Variants in PCNT observed in about 807,000 individuals in gnomAD.
PCNT encodes kendrin.
In PCNT, 319 loss-of-function variants were observed where a neutral mutation model predicts 380.4. The observed-to-expected ratio is 0.84, with a 90% CI of 0.77 to 0.92. PCNT has a LOEUF of 0.92. Ranked by LOEUF, PCNT falls within the 40% of genes least tolerant of loss-of-function variation. The probability of loss-of-function intolerance (pLI) is 0.00; values close to 1 mark genes in which losing one functional copy is unlikely to be tolerated. For synonymous variants in PCNT, 1,845 were observed against 1,735.2 expected (o/e 1.06, Z -1.57); for missense variants, 4,400 against 4,255.3 (o/e 1.03, Z -0.95).
chr21:46,405,342 A>G (rs2086592163), intron 27 of PCNT, among the ~76,000 whole-genome samples: 1 of 152,258 alleles, frequency 6.6e-6, no homozygotes, highest in Non-Finnish European at 1.5e-5. Context: ...CTGTCTTAGT[A>G]TCTGATTGTA....
intron 15 of PCNT, among the ~76,000 whole-genome samples, chr21:46,373,308 C>G (rs891125077): frequency 5.3e-5 from 8 of 152,114 alleles, no homozygotes; most frequent in African/African-American, 1.9e-4. Context: ...TGAGCCGCGC[C>G]TGGCCTGGAC....
chr21:46,359,491 G>GTTTTTTTTGTTTTTT (rs2084618859), intron 13 of PCNT, among the ~76,000 whole-genome samples: 1 of 66,048 alleles, frequency 1.5e-5, no homozygotes, highest in Non-Finnish European at 3.2e-5. Context: ...TTTTTTTTTT[G>GTTTTTTTTGTTTTTT]TTTTTTTTTT....
rs549490485 is a variant in PCNT, at chr21:46,389,918, T to C, written c.3840+487T>C. ...CTTGTAGCTCTGGCGCTGGAGGAGATGTGGTCTGATGTGGCCCTCCCGGAG... is the reference window on the plus strand; with the variant it reads ...CTTGTAGCTCTGGCGCTGGAGGAGACGTGGTCTGATGTGGCCCTCCCGGAG... On this transcript the variant is annotated intron_variant, in intron 19 of 46. Coordinates refer to ENST00000359568, the MANE Select transcript of PCNT (RefSeq NM_006031.6). Among the ~76,000 whole-genome samples, 174 of 152,264 alleles carry C rather than the reference T, an allele frequency of 1.1e-3. 1 individual carries two copies. Among genetic ancestry groups the C allele is most frequent in the Non-Finnish European group, 2.3e-3 (156 of 68,030 alleles).
intron 41 of PCNT, 99 bp from the exon 42 acceptor site, chr21:46,439,984 C>G: frequency 6.7e-7 from 1 of 1,483,626 alleles, no homozygotes; most frequent in South Asian, 1.1e-5. Flanking sequence ...CTGGCCTCCC[C>G]GCACATGGCC....
At chr21:46,387,853 A>C (rs903841948) in intron 17 of PCNT, among the ~76,000 whole-genome samples, 10 of 152,044 alleles carry the variant, frequency 6.6e-5, no homozygotes, top group African/African-American at 2.4e-4. Context: ...ACAGCTCCTA[A>C]ATCATAGTGC....
chr21:46,324,234 A>T lies in PCNT; in HGVS notation c.6A>T (p.Glu2Asp). 6.2e-7 allele frequency: 1 copy of T among 1,611,786 alleles called. No individual in the cohort carries two copies. Among genetic ancestry groups the T allele is most frequent in the Non-Finnish European group, 8.5e-7 (1 of 1,178,950 alleles). M[E>D]VEQEQRRRKV... ...CCGCGCGGAGTCTGAGGGAGATGGA[A>T]GTTGAGCAAGAGCAGCGGCGCAGAA... The change falls in exon 1 of 47, where the codon GAA (glutamate) becomes GAT (aspartate). Residue 2 changes from glutamate (E) to aspartate (D), a missense_variant. Coordinates refer to ENST00000359568, the MANE Select transcript of PCNT (RefSeq NM_006031.6).
chr21:46,437,298 C>CG (rs1308703176), intron 40 of PCNT, among the ~76,000 whole-genome samples: 1 of 123,710 alleles, frequency 8.1e-6, no homozygotes, highest in Non-Finnish European at 1.5e-5. Context: ...GTGTGGTCTT[C>CG]GGGGGCTGAG....
In PCNT at chr21:46,437,035, C is replaced by T. The variant is rs112551907; in HGVS notation, c.9053C>T (p.Thr3018Met). 14 of 1,614,032 alleles carry T rather than the reference C, an allele frequency of 8.7e-6. No individual in the cohort carries two copies. Among genetic ancestry groups the T allele is most frequent in the South Asian group, 7.7e-5 (7 of 91,090 alleles). ...NEKAVMSLLH[T>M]LEELKSDLSR... is the part of the protein sequence containing the mutation. Reference sequence around the variant, plus strand: ...AAAGCAGTGATGTCTTTACTGCACACGTTGGAGGAGCTGAAGTCTGACTTG... The same window carrying T: ...AAAGCAGTGATGTCTTTACTGCACATGTTGGAGGAGCTGAAGTCTGACTTG... Residue 3018 changes from threonine to methionine, a missense_variant, in exon 40 of 47, where the codon ACG becomes ATG. By Grantham distance (81) the Thr-to-Met change is moderately conservative. Coordinates refer to ENST00000359568, the MANE Select transcript of PCNT (RefSeq NM_006031.6).
chr21:46,327,903 G>A (rs2083441392), intron 2 of PCNT, among the ~76,000 whole-genome samples: 1 of 152,342 alleles, frequency 6.6e-6, no homozygotes, highest in East Asian at 1.9e-4. Flanking sequence ...AGGTGTGGCA[G>A]GTGAGTGCAC....
At chr21:46,352,870 C>T (rs1232762275) in intron 9 of PCNT, among the ~76,000 whole-genome samples, 9 of 152,180 alleles carry the variant, frequency 5.9e-5, no homozygotes, top group African/African-American at 2.4e-5. Context: ...CCTGCCACTT[C>T]GAGTGCTGCT....
In PCNT at chr21:46,430,659, T is replaced by A; in HGVS notation, c.8064+2T>A. ...AGCCAGAGTGCCAAGGCCCTGGAGG[T>A]AACAGGGTGTCAGGGCAAGGCAGCC... On this transcript the variant is annotated splice_donor_variant, in intron 37 of 46. Transcript: ENST00000359568. LOFTEE classifies it high-confidence loss of function. The A allele has an allele frequency of 6.4e-7, 1 of 1,567,864 alleles. No homozygotes were observed. The highest frequency in any genetic ancestry group is 8.6e-7 in the Non-Finnish European group (1 of 1,157,230).
intron 6 of PCNT, chr21:46,348,101 G>A (rs1408444181): frequency 1.7e-5 from 3 of 181,074 alleles, no homozygotes; most frequent in Non-Finnish European, 2.3e-5. Context: ...GTTGTGTTCC[G>A]GTCACCTGCT....
Position 46,324,238 on chromosome 21 carries a change from G to A in PCNT, c.10G>A (p.Glu4Lys). 2.5e-6 allele frequency: 4 copies of A among 1,611,984 alleles called. No individual in the cohort carries two copies. In the South Asian group the frequency reaches 4.4e-5, roughly 18 times the overall value. The change falls in exon 1 of 47, where the codon GAG (glutamate) becomes AAG (lysine). Residue 4 changes from glutamate to lysine, a missense_variant. Glu to Lys is a moderately conservative substitution (Grantham distance 56, BLOSUM62 1). Coordinates refer to ENST00000359568, the MANE Select transcript of PCNT (RefSeq NM_006031.6). ...GCGGAGTCTGAGGGAGATGGAAGTT[G>A]AGCAAGAGCAGCGGCGCAGAAAGGT... MEV[E>K]QEQRRRKVEA...
chr21:46,413,241 AGGGGGAAGG>A (rs2086865651), intron 29 of PCNT, among the ~76,000 whole-genome samples: 2 of 120,044 alleles, frequency 1.7e-5, no homozygotes, highest in Admixed American at 8.3e-5. Flanking sequence ...AGGTGTGGGG[AGGGGGAAGG>A]CGTGAGGCCC....
In PCNT at chr21:46,431,836, T is replaced by C; in HGVS notation, c.8372T>C (p.Leu2791Pro). 6.2e-7 allele frequency: 1 copy of C among 1,613,952 alleles called. No homozygotes were observed. Among genetic ancestry groups the C allele is most frequent in the Non-Finnish European group, 8.5e-7 (1 of 1,180,032 alleles). The stretch of plus-strand genomic sequence containing the variant: ...GACACACAGGCCCATCACGCTCTGC[T>C]GCAGAAGCTGAAGGAGGAGAAGTCC... The part of the protein sequence containing the change: ...HQDTQAHHAL[L>P]QKLKEEKSRV... Residue 2791 changes from leucine to proline, a missense_variant, in exon 38 of 47, where the codon CTG (leucine) becomes CCG (proline). Leu to Pro is a moderately conservative substitution (Grantham distance 98). Coordinates refer to ENST00000359568, the MANE Select transcript of PCNT (RefSeq NM_006031.6).
intron 15 of PCNT, among the ~76,000 whole-genome samples, chr21:46,373,816 G>A (rs1431788746): frequency 7.6e-6 from 1 of 131,704 alleles, no homozygotes; most frequent in Non-Finnish European, 1.5e-5. Context: ...TGCAACCTCC[G>A]CCCCCCGGGT....
chr21:46,341,786 C>A, intron 3 of PCNT, among the ~76,000 whole-genome samples: 1 of 152,066 alleles, frequency 6.6e-6, no homozygotes, highest in East Asian at 1.9e-4. Flanking sequence ...CTCAAGCAGT[C>A]TTTCTACTCA....
At chr21:46,412,560 A>G (rs941459186) in intron 28 of PCNT, among the ~76,000 whole-genome samples, 4 of 152,124 alleles carry the variant, frequency 2.6e-5, no homozygotes, top group African/African-American at 9.7e-5. Context: ...CCACCCCCAC[A>G]CCAGCTGGGT....
chr21:46,353,019 C>A, intron 9 of PCNT, 85 bp from the exon 10 acceptor site: 2 of 1,121,290 alleles, frequency 1.8e-6, no homozygotes, highest in Admixed American at 1.8e-5. Flanking sequence ...CTGCCCCCAC[C>A]ACAGGTAACC....
Sources: gnomAD v4.1 joint callset for allele counts (sites outside exome capture counted in the v4.1 genomes callset) on GRCh38, gnomAD v4.1.1 for gene constraint, MANE v1.5 for transcripts, NCBI Gene and HGNC (gene_info 2026-07-23, HGNC 2026-07-21) for gene names.